Variants in DLG2 observed in about 807,000 individuals in gnomAD.
DLG2 encodes disks large homolog 2.
A neutral mutation model predicts 132.5 loss-of-function variants in DLG2; 45 were observed. That is an observed-to-expected ratio of 0.34 (90% CI 0.27 to 0.44). The LOEUF is 0.44. Among genes scored for constraint, DLG2 ranks in the 20% least tolerant of loss-of-function variants. The probability of loss-of-function intolerance (pLI) is 1.00; values close to 1 mark genes in which losing one functional copy is unlikely to be tolerated. For synonymous variants in DLG2, 424 were observed against 419.6 expected, an observed-to-expected ratio of 1.01 and a Z score of -0.13; for missense variants, 1,045 against 1,196.9, an observed-to-expected ratio of 0.87 and a Z score of 1.87.
intron 18 of DLG2, among the ~76,000 whole-genome samples, chr11:83,778,558 A>G (rs958761679): frequency 2.0e-5 from 3 of 152,286 alleles, no homozygotes; most frequent in Non-Finnish European, 2.9e-5. Context: ...AGAGGAGGTT[A>G]TATCTATTAT....
chr11:85,367,031 A>G lies in DLG2; in HGVS notation c.41-81666T>C, dbSNP rs188374273. On this transcript the variant is annotated intron_variant, in intron 3 of 27. Coordinates refer to ENST00000376104, the MANE Select transcript of DLG2 (RefSeq NM_001142699.3). ...GTTTTACTAAAGATACTGTTGCCTGAATACTTCAACACCTTGTTACTGAAT... is the reference window on the plus strand; with the variant it reads ...GTTTTACTAAAGATACTGTTGCCTGGATACTTCAACACCTTGTTACTGAAT... 1.7e-3 allele frequency among the ~76,000 whole-genome samples: 266 copies of G among 152,278 alleles called. 1 individual carries two copies. The highest frequency in any genetic ancestry group is 6.2e-3 in the African/African-American group (258 of 41,562).
Position 84,671,035 on chromosome 11 carries a change from G to T in DLG2, c.358-136304C>A, listed in dbSNP as rs559219243. On this transcript the variant is annotated intron_variant, in intron 6 of 27. Transcript: ENST00000376104. ...ATACCCTGTGGGGTAAGAAGACAAG[G>T]GTTACATCCGGCAGCCTTGTCACCC... 3.3e-5 allele frequency among the ~76,000 whole-genome samples: 5 copies of T among 152,062 alleles called. No homozygotes were observed. The East Asian group carries it at 9.7e-4, about 29-fold the overall frequency.
intron 18 of DLG2, among the ~76,000 whole-genome samples, chr11:83,643,889 C>T (rs1215089021): frequency 6.6e-6 from 1 of 151,812 alleles, no homozygotes; most frequent in South Asian, 2.1e-4. Flanking sequence ...CTACAAGTGA[C>T]TACTTTTCTG....
intron 6 of DLG2, among the ~76,000 whole-genome samples, chr11:84,778,950 C>T (rs2071187514): frequency 6.6e-6 from 1 of 152,088 alleles, no homozygotes; most frequent in Non-Finnish European, 1.5e-5. Context: ...CATCAGACTC[C>T]AAGTTCTTTG....
chr11:83,489,048 C>T (rs148132391), intron 21 of DLG2, among the ~76,000 whole-genome samples: 73 of 152,028 alleles, frequency 4.8e-4, no homozygotes, highest in African/African-American at 1.7e-3. Flanking sequence ...TTCTGCAAAC[C>T]TAATGAACTA....
chr11:85,419,530 A>T (rs1472668576), intron 3 of DLG2, among the ~76,000 whole-genome samples: 2 of 152,236 alleles, frequency 1.3e-5, no homozygotes, highest in African/African-American at 4.8e-5. Flanking sequence ...CATGTTTTCC[A>T]ACTTGGCTCC....
At chr11:84,598,595 C>T (rs1442679858) in intron 6 of DLG2, among the ~76,000 whole-genome samples, 1 of 152,072 alleles carries the variant, frequency 6.6e-6, no homozygotes, top group Admixed American at 6.6e-5. Flanking sequence ...AGGAATTCCA[C>T]CTCCTCTGAT....
chr11:85,203,193 T>A (rs1289706303), intron 4 of DLG2, among the ~76,000 whole-genome samples: 1 of 151,410 alleles, frequency 6.6e-6, no homozygotes, highest in African/African-American at 2.4e-5. Flanking sequence ...CATCAGACCA[T>A]ATATAAATGA....
intron 18 of DLG2, among the ~76,000 whole-genome samples, chr11:83,731,297 C>A (rs1257431207): frequency 6.6e-6 from 1 of 152,146 alleles, no homozygotes; most frequent in East Asian, 1.9e-4. Flanking sequence ...CTCCCCCCAG[C>A]CCCTGACTGG....
intron 4 of DLG2, among the ~76,000 whole-genome samples, chr11:85,214,269 C>A (rs965204144): frequency 2.6e-5 from 4 of 152,160 alleles, no homozygotes; most frequent in Non-Finnish European, 5.9e-5. Flanking sequence ...GGACAACCTT[C>A]TGGTTCTTTT....
At chr11:84,112,188 C>T (rs1174502298) in intron 9 of DLG2, among the ~76,000 whole-genome samples, 5 of 151,916 alleles carry the variant, frequency 3.3e-5, no homozygotes, top group African/African-American at 7.2e-5. Flanking sequence ...TTAGTAGAAA[C>T]GGGGTTTCGC....
At chr11:83,705,338 A>G (rs532223297) in intron 18 of DLG2, among the ~76,000 whole-genome samples, 7 of 152,348 alleles carry the variant, frequency 4.6e-5, no homozygotes, top group South Asian at 2.1e-4. Context: ...CCTCAGAGAA[A>G]AGAAGTATCT....
intron 17 of DLG2, among the ~76,000 whole-genome samples, chr11:83,809,444 T>C (rs1027275453): frequency 2.0e-5 from 3 of 152,206 alleles, no homozygotes; most frequent in African/African-American, 7.2e-5. Flanking sequence ...CCTTAGGATT[T>C]ATAGGTCTCT....
intron 3 of DLG2, among the ~76,000 whole-genome samples, chr11:85,488,031 T>C (rs918226904): frequency 1.3e-5 from 2 of 152,218 alleles, no homozygotes; most frequent in Non-Finnish European, 1.5e-5. Context: ...TCATGAGATC[T>C]GATGGTTTTA....
intron 6 of DLG2, among the ~76,000 whole-genome samples, chr11:84,951,155 T>C (rs1053592766): frequency 2.0e-5 from 3 of 152,350 alleles, no homozygotes; most frequent in African/African-American, 7.2e-5. Context: ...CTTTAAAAAC[T>C]GTGCTTCTAG....
chr11:84,300,828 A>C (rs2098142995), intron 7 of DLG2, among the ~76,000 whole-genome samples: 1 of 152,244 alleles, frequency 6.6e-6, no homozygotes, highest in Non-Finnish European at 1.5e-5. Flanking sequence ...TACAGGCAGA[A>C]AGACATGTTC....
At chr11:84,799,007 C>T (rs768847986) in intron 6 of DLG2, among the ~76,000 whole-genome samples, 10 of 152,160 alleles carry the variant, frequency 6.6e-5, no homozygotes, top group Non-Finnish European at 1.5e-4. Context: ...ACTTTCATTG[C>T]TAGAAGCTGC....
At position 83,469,392 on chromosome 11, in the gene DLG2, G is replaced by C. The variant is rs972171171; in HGVS notation, c.2447-19C>G. The C allele has an allele frequency of 1.5e-5, 24 of 1,596,288 alleles. No individual in the cohort carries two copies. Among genetic ancestry groups the C allele is most frequent in the Non-Finnish European group, 2.0e-5 (24 of 1,172,100 alleles). On this transcript the variant is annotated intron_variant, in intron 24 of 27. Transcript: ENST00000376104. ...GTAGTATCTTTATAAAACAAAAAATGATAAAATTAAGGTGCATTTATACCC... is the reference window on the plus strand; with the variant it reads ...GTAGTATCTTTATAAAACAAAAAATCATAAAATTAAGGTGCATTTATACCC...
intron 6 of DLG2, among the ~76,000 whole-genome samples, chr11:84,943,491 T>A: frequency 6.6e-6 from 1 of 152,080 alleles, no homozygotes; most frequent in South Asian, 2.1e-4. Context: ...ATATTTTGTG[T>A]ATCTGTTGTA....
Sources: gnomAD v4.1 joint callset for allele counts (sites outside exome capture counted in the v4.1 genomes callset) on GRCh38, gnomAD v4.1.1 for gene constraint, MANE v1.5 for transcripts, NCBI Gene and HGNC (gene_info 2026-07-23, HGNC 2026-07-21) for gene names.